The following ARHGAP35 variants were observed in gnomAD, a reference collection of about 807,000 sequenced individuals.
ARHGAP35 encodes rho GTPase-activating protein 35.
A neutral mutation model predicts 111.1 loss-of-function variants in ARHGAP35; 15 were observed. The ratio of observed to expected loss-of-function variants is 0.13; its 90% CI spans 0.09 to 0.21. The LOEUF is 0.21. Among genes scored for constraint, ARHGAP35 ranks in the 10% least tolerant of loss-of-function variants. The pLI, the probability that ARHGAP35 is intolerant of heterozygous loss-of-function variation, is 1.00. For missense variants in ARHGAP35, 1,262 were observed against 1,873.0 expected (o/e 0.67, Z 6.02); for synonymous variants, 643 against 710.3 (o/e 0.91, Z 1.51).
chr19:46,980,866 C>T (rs2056617078), intron 3 of ARHGAP35, among the ~76,000 whole-genome samples: 1 of 152,216 alleles, frequency 6.6e-6, no homozygotes. Context: ...TCTCTCAGCA[C>T]TAAGTGCTAA....
At position 46,899,705 on chromosome 19, in the gene ARHGAP35, A is replaced by T. The variant is rs541420885; in HGVS notation, c.-188-18783A>T. ...ACAGAGTGAGACCCTGTACAAAAAA[A>T]AACAAAAACAAAAACAAAAACAAAA... On this transcript the variant is annotated intron_variant, in intron 1 of 6. Transcript: ENST00000672722. Among the ~76,000 whole-genome samples the T allele has an allele frequency of 5.3e-5, 8 of 151,650 alleles. No homozygotes were observed. The East Asian group carries it at 1.5e-3, about 29-fold the overall frequency.
rs765918008 is a variant in ARHGAP35, at chr19:46,922,375, A to C, written c.3681+19A>C. 1 of 1,553,132 alleles carries C rather than the reference A, an allele frequency of 6.4e-7. No homozygotes were observed. Among genetic ancestry groups the C allele is most frequent in the Non-Finnish European group, 8.7e-7 (1 of 1,150,780 alleles). ...CACTAAGGTAAGACACCAGTCTAGG[A>C]TTAGTCATAGTGTTTTGTACAGCGT... On this transcript the variant is annotated intron_variant, in intron 2 of 6. Transcript: ENST00000672722. This position sits in a 1 kb window ranked among gnomAD's most constrained non-coding sequence, Gnocchi z 4.0.
rs1030220391 is a variant in ARHGAP35, at chr19:46,988,987, C to T, written c.3905-557C>T. 4 of 156,288 alleles carry T rather than the reference C, an allele frequency of 2.6e-5. No homozygotes were observed. The highest frequency in any genetic ancestry group is 7.2e-5 in the African/African-American group (3 of 41,500). 9.7% of individuals were successfully genotyped at this position (156,288 alleles called of 1,614,324 possible). A position where few individuals can be genotyped will look rare whatever the true frequency, so the allele number is the denominator to read the frequency against. ...TACTGTCCATCTGTAGAGATTTCTT[C>T]GTCATCAGGAACGCACTGAAGTATG... On this transcript the variant is annotated intron_variant, in intron 4 of 6. Coordinates refer to ENST00000672722, the MANE Select transcript of ARHGAP35 (RefSeq NM_004491.5). This position sits in a 1 kb window ranked among gnomAD's most constrained non-coding sequence, Gnocchi z 5.4.
intron 1 of ARHGAP35, among the ~76,000 whole-genome samples, chr19:46,896,689 GGTGATCTTGAACGA>G (rs2056058449): frequency 6.6e-6 from 1 of 152,100 alleles, no homozygotes; most frequent in African/African-American, 2.4e-5. Context: ...TACTAAGCCG[GGTGATCTTGAACGA>G]GTCTCTTGAC....
At chr19:46,974,972 A>G (rs752972676) in intron 3 of ARHGAP35, among the ~76,000 whole-genome samples, 49 of 152,072 alleles carry the variant, frequency 3.2e-4, no homozygotes, top group Admixed American at 1.5e-3. Context: ...CCGGGTTCAC[A>G]CAGTTCTCCT....
At chr19:46,976,312 T>C (rs1249179380) in intron 3 of ARHGAP35, among the ~76,000 whole-genome samples, 2 of 149,334 alleles carry the variant, frequency 1.3e-5, no homozygotes, top group South Asian at 2.2e-4. Flanking sequence ...AAATTCCCCA[T>C]TGCCATAAAG....
At chr19:46,880,597 A>G (rs979242445) in intron 1 of ARHGAP35, among the ~76,000 whole-genome samples, 2 of 152,202 alleles carry the variant, frequency 1.3e-5, no homozygotes, top group African/African-American at 4.8e-5. Flanking sequence ...TGAGGGTTAG[A>G]ATCAACTTCT....
At chr19:46,965,474 GTT>G (rs2056509510) in intron 3 of ARHGAP35, among the ~76,000 whole-genome samples, 1 of 151,218 alleles carries the variant, frequency 6.6e-6, no homozygotes, top group Non-Finnish European at 1.5e-5. Context: ...TTTTTTGTTT[GTT>G]TGTTTGTTTG....
intron 3 of ARHGAP35, among the ~76,000 whole-genome samples, chr19:46,961,623 C>T (rs967780991): frequency 5.3e-5 from 8 of 151,914 alleles, no homozygotes; most frequent in Non-Finnish European, 1.0e-4. Flanking sequence ...GAAAACCTAC[C>T]CATGCTATTA....
At chr19:46,877,834 G>T (rs574521705) in intron 1 of ARHGAP35, among the ~76,000 whole-genome samples, 17 of 151,646 alleles carry the variant, frequency 1.1e-4, no homozygotes, top group African/African-American at 3.6e-4. Context: ...AGCCTCCCAA[G>T]TAGCTGGGAT....
chr19:46,880,469 T>C (rs2055955682), intron 1 of ARHGAP35, among the ~76,000 whole-genome samples: 1 of 152,212 alleles, frequency 6.6e-6, no homozygotes, highest in Non-Finnish European at 1.5e-5. Context: ...TCAGGTTTTA[T>C]TATGAGATTG....
chr19:46,988,319 T>C lies in ARHGAP35; in HGVS notation c.3904+253T>C. ...CACTCCCCACACTGCCACTCACAGATGCTCTTCCAGGTTGCCCGGGCACAT... is the reference window on the plus strand; with the variant it reads ...CACTCCCCACACTGCCACTCACAGACGCTCTTCCAGGTTGCCCGGGCACAT... On this transcript the variant is annotated intron_variant, in intron 4 of 6. Transcript: ENST00000672722. This position sits in a 1 kb window ranked among gnomAD's most constrained non-coding sequence, Gnocchi z 5.4. 1 of 478,300 alleles carries C rather than the reference T, an allele frequency of 2.1e-6. No homozygotes were observed. The highest frequency in any genetic ancestry group is 2.1e-5 in the South Asian group (1 of 46,700). The allele number at this position is 478,300 out of a possible 1,614,324, so 29.6% of individuals were successfully genotyped here.
At chr19:46,935,138 A>C (rs2056299518) in intron 2 of ARHGAP35, among the ~76,000 whole-genome samples, 1 of 152,214 alleles carries the variant, frequency 6.6e-6, no homozygotes, top group South Asian at 2.1e-4. Flanking sequence ...TCAGTCTATA[A>C]GGGGAGCAAG....
rs1362724384 is a variant in ARHGAP35, at chr19:46,999,309, A to G, written c.4042A>G (p.Asn1348Asp). Residue 1348 changes from asparagine to aspartate, a missense_variant, in exon 6 of 7, where the codon AAC becomes GAC. Physicochemically the swap from Asn to Asp is conservative, Grantham distance 23 (BLOSUM62 1). Transcript: ENST00000672722. This position sits in a 1 kb window ranked among gnomAD's most constrained non-coding sequence, Gnocchi z 5.4. ...TTGGTTTTCTCTCTCCTCAGAAATC[A>G]ACGACCGGGAGCAGAAGTTGCATGC... ...QIDLVEAHKI[N>D]DREQKLHALK... 1.3e-6 allele frequency: 2 copies of G among 1,582,364 alleles called. No individual in the cohort carries two copies. Among genetic ancestry groups the G allele is most frequent in the Non-Finnish European group, 1.7e-6 (2 of 1,164,128 alleles).
intron 1 of ARHGAP35, among the ~76,000 whole-genome samples, chr19:46,893,866 T>C (rs1381094462): frequency 6.6e-6 from 1 of 151,466 alleles, no homozygotes; most frequent in African/African-American, 2.4e-5. Context: ...TTAACATAAG[T>C]TCGTTCGTTC....
chr19:47,001,445 A>C lies in ARHGAP35; in HGVS notation c.*757A>C. On this transcript the variant is annotated 3_prime_UTR_variant, in exon 7 of 7. Coordinates refer to ENST00000672722, the MANE Select transcript of ARHGAP35 (RefSeq NM_004491.5). The surrounding 1 kb of genome is among the most constrained non-coding windows in gnomAD (Gnocchi z 5.4). ...CCACAGAAAGAAAACTACAGACCTCAAGATTCCACTCTGTGCCCGCCTCTG... is the reference window on the plus strand; with the variant it reads ...CCACAGAAAGAAAACTACAGACCTCCAGATTCCACTCTGTGCCCGCCTCTG... 40 of 1,241,704 alleles carry C rather than the reference A, an allele frequency of 3.2e-5. No individual in the cohort carries two copies. The highest frequency in any genetic ancestry group is 3.8e-5 in the Non-Finnish European group (36 of 946,028). 76.9% of individuals were successfully genotyped at this position (1,241,704 alleles called of 1,614,324 possible).
intron 1 of ARHGAP35, among the ~76,000 whole-genome samples, chr19:46,874,921 C>T (rs1230052007): frequency 6.6e-6 from 1 of 150,644 alleles, no homozygotes; most frequent in Admixed American, 6.7e-5. Context: ...AAGCGGTTCT[C>T]CTGCCTCAGC....
intron 1 of ARHGAP35, among the ~76,000 whole-genome samples, chr19:46,874,805 T>G (rs2055908066): frequency 7.1e-6 from 1 of 140,798 alleles, no homozygotes; most frequent in African/African-American, 2.7e-5. Context: ...CCCGGCAGTT[T>G]TGTCCTTTTT....
chr19:46,903,140 C>T (rs1599808235), intron 1 of ARHGAP35, among the ~76,000 whole-genome samples: 1 of 152,026 alleles, frequency 6.6e-6, no homozygotes, highest in East Asian at 1.9e-4. Context: ...ATTCAGGGGC[C>T]GGGGAGTGGT....
Sources: allele counts gnomAD v4.1 joint callset (sites outside exome capture counted in the v4.1 genomes callset), GRCh38; gene constraint gnomAD v4.1.1; non-coding constraint Gnocchi (gnomAD v3.1); transcripts MANE v1.5; gene names NCBI Gene and HGNC (gene_info 2026-07-23, HGNC 2026-07-21).